The following MYRIP variants were observed in gnomAD, a reference collection of about 807,000 sequenced individuals.
MYRIP encodes the protein myosin VIIA and Rab interacting protein, also known as rab effector MyRIP.
In MYRIP, 49 loss-of-function variants were observed where a neutral mutation model predicts 98.0. That is an observed-to-expected ratio of 0.50 (90% CI 0.40 to 0.63). The LOEUF (loss-of-function observed/expected upper bound fraction) is 0.63, where lower values mean the gene tolerates loss of function less well. MYRIP is among the 30% of genes least tolerant of loss of function. MYRIP has a pLI of 0.00. For missense variants in MYRIP, 1,004 were observed against 1,058.2 expected (o/e 0.95, Z 0.71); for synonymous variants, 404 against 409.5 (o/e 0.99, Z 0.16).
chr3:39,922,050 G>A (rs1575381518), intron 2 of MYRIP, among the ~76,000 whole-genome samples: 1 of 152,146 alleles, frequency 6.6e-6, no homozygotes. Flanking sequence ...GTGGACAGAA[G>A]AAGGCAGACT....
In MYRIP at chr3:39,858,008, A is replaced by G. The variant is rs550502077; in HGVS notation, c.-30-42779A>G. On this transcript the variant is annotated intron_variant, in intron 1 of 16. Transcript: ENST00000302541. ...GGAACTACAAAGCAGCCAGAAAACA[A>G]TGAACAAAATAGCAATAGTAAGTCC... 8.5e-5 allele frequency among the ~76,000 whole-genome samples: 13 copies of G among 152,326 alleles called. No homozygotes were observed. In the East Asian group the frequency reaches 2.5e-3, roughly 29 times the overall value.
intron 8 of MYRIP, among the ~76,000 whole-genome samples, chr3:40,172,765 C>G (rs1177360960): frequency 6.6e-6 from 1 of 152,164 alleles, no homozygotes; most frequent in Non-Finnish European, 1.5e-5. Flanking sequence ...CCAGTGCCCT[C>G]TCCCCTTCCT....
At chr3:39,870,517 G>A (rs748813281) in intron 1 of MYRIP, among the ~76,000 whole-genome samples, 1 of 152,036 alleles carries the variant, frequency 6.6e-6, no homozygotes, top group Non-Finnish European at 1.5e-5. Flanking sequence ...GGTTAATAAA[G>A]TCTTTTTTCT....
intron 1 of MYRIP, among the ~76,000 whole-genome samples, chr3:39,811,703 G>A (rs6785855): frequency 0.065 from 9,878 of 151,478 alleles, 701 homozygotes; most frequent in East Asian, 0.32. Context: ...GAGTCAAAGT[G>A]TGTCTCTGTA....
intron 2 of MYRIP, among the ~76,000 whole-genome samples, chr3:39,933,081 C>T (rs1025657525): frequency 2.6e-5 from 4 of 152,194 alleles, no homozygotes; most frequent in Non-Finnish European, 5.9e-5. Flanking sequence ...GCAAAAGTCT[C>T]ATGCATTATG....
chr3:40,233,210 G>C (rs918398746), intron 11 of MYRIP, among the ~76,000 whole-genome samples: 2 of 152,202 alleles, frequency 1.3e-5, no homozygotes, highest in African/African-American at 4.8e-5. Context: ...ACTACACCTA[G>C]CTGCAAGGGA....
chr3:40,027,986 G>T (rs1449179986), intron 2 of MYRIP, among the ~76,000 whole-genome samples: 4 of 152,024 alleles, frequency 2.6e-5, no homozygotes, highest in South Asian at 2.1e-4. Context: ...GGAAAAAGAG[G>T]GCCAAGCTCA....
chr3:40,102,957 GTTGT>G (rs927043297), intron 3 of MYRIP, among the ~76,000 whole-genome samples: 9 of 151,836 alleles, frequency 5.9e-5, no homozygotes, highest in Admixed American at 2.6e-4. Flanking sequence ...TTCTATTTAG[GTTGT>G]TTGTTTGTTT....
intron 3 of MYRIP, among the ~76,000 whole-genome samples, chr3:40,078,418 C>G (rs1948403204): frequency 6.6e-6 from 1 of 152,214 alleles, no homozygotes; most frequent in Non-Finnish European, 1.5e-5. Flanking sequence ...AGTGGGAGCC[C>G]AGGCAGAGGA....
At chr3:39,890,729 G>T (rs1245473732) in intron 1 of MYRIP, among the ~76,000 whole-genome samples, 2 of 151,454 alleles carry the variant, frequency 1.3e-5, no homozygotes, top group Non-Finnish European at 2.9e-5. Context: ...TTTTATTTGA[G>T]GGCTGGGGAG....
chr3:40,105,097 A>G (rs6789580), intron 3 of MYRIP, among the ~76,000 whole-genome samples: 14,263 of 151,990 alleles, frequency 0.094, 758 homozygotes, highest in East Asian at 0.22. Context: ...TTTAGGCATC[A>G]TCTATTACTT....
intron 2 of MYRIP, among the ~76,000 whole-genome samples, chr3:40,023,072 C>T (rs548655427): frequency 1.3e-5 from 2 of 152,042 alleles, no homozygotes; most frequent in African/African-American, 4.8e-5. Context: ...GAATATAGAA[C>T]AAGGAAGGAA....
chr3:39,910,072 G>A (rs1943982094), intron 2 of MYRIP, among the ~76,000 whole-genome samples: 1 of 152,048 alleles, frequency 6.6e-6, no homozygotes, highest in African/African-American at 2.4e-5. Context: ...TGTATTTTTA[G>A]GAGAGATGGG....
At position 39,900,690 on chromosome 3, in the gene MYRIP, C is replaced by G. The variant is rs1270172461; in HGVS notation, c.-30-97C>G. ...AGATACTACCTTACATAAACACTTA[C>G]ATATAAACACTATATTTAACTCTAT... On this transcript the variant is annotated intron_variant, in intron 1 of 16. Coordinates refer to ENST00000302541, the MANE Select transcript of MYRIP (RefSeq NM_015460.4). The G allele has an allele frequency of 6.2e-6, 4 of 650,134 alleles. No homozygotes were observed. In the East Asian group the frequency reaches 1.1e-4, roughly 18 times the overall value. The allele number at this position is 650,134 out of a possible 1,614,324, so 40.3% of individuals were successfully genotyped here. A position where few individuals can be genotyped will look rare whatever the true frequency, so the allele number is the denominator to read the frequency against.
intron 3 of MYRIP, among the ~76,000 whole-genome samples, chr3:40,049,588 T>A (rs1323753793): frequency 6.6e-6 from 1 of 151,900 alleles, no homozygotes; most frequent in Non-Finnish European, 1.5e-5. Context: ...CACAACAATA[T>A]TAAATTCAGT....
At chr3:39,981,020 T>C (rs1945880895) in intron 2 of MYRIP, among the ~76,000 whole-genome samples, 2 of 152,146 alleles carry the variant, frequency 1.3e-5, no homozygotes, top group South Asian at 4.1e-4. Flanking sequence ...AACTATACAT[T>C]TAAAAACAGT....
chr3:39,874,874 T>C (rs1168211471), intron 1 of MYRIP, among the ~76,000 whole-genome samples: 2 of 152,002 alleles, frequency 1.3e-5, no homozygotes, highest in African/African-American at 4.8e-5. Context: ...TAAGGGAAGA[T>C]TCCCTCTTTT....
chr3:40,225,173 T>G (rs1952453484), intron 11 of MYRIP, among the ~76,000 whole-genome samples: 1 of 151,916 alleles, frequency 6.6e-6, no homozygotes, highest in African/African-American at 2.4e-5. Context: ...CACAGAGGAG[T>G]GATGAGCGGA....
chr3:39,850,914 A>G (rs765864242), intron 1 of MYRIP, among the ~76,000 whole-genome samples: 2 of 152,174 alleles, frequency 1.3e-5, no homozygotes, highest in Non-Finnish European at 2.9e-5. Context: ...TTGAGTGTTC[A>G]TTAGTGGTCT....
Sources: gnomAD v4.1 joint callset for allele counts (sites outside exome capture counted in the v4.1 genomes callset) on GRCh38, gnomAD v4.1.1 for gene constraint, MANE v1.5 for transcripts, NCBI Gene and HGNC (gene_info 2026-07-23, HGNC 2026-07-21) for gene names.